Variants in PPM1L observed in about 807,000 individuals in gnomAD.
PPM1L encodes protein phosphatase, Mg2+/Mn2+ dependent 1L.
A neutral mutation model predicts 31.4 loss-of-function variants in PPM1L; 13 were observed. The ratio of observed to expected loss-of-function variants is 0.41; its 90% CI spans 0.27 to 0.66. The LOEUF (loss-of-function observed/expected upper bound fraction) is 0.66, where lower values mean the gene tolerates loss of function less well. PPM1L is among the 30% of genes least tolerant of loss of function. PPM1L has a pLI of 0.29. For missense variants in PPM1L, 326 were observed against 453.7 expected, an observed-to-expected ratio of 0.72 and a Z score of 2.56; for synonymous variants, 184 against 175.4, an observed-to-expected ratio of 1.05 and a Z score of -0.39.
intron 2 of PPM1L, among the ~76,000 whole-genome samples, chr3:161,003,164 T>C (rs2108054107): frequency 6.6e-6 from 1 of 152,178 alleles, no homozygotes; most frequent in South Asian, 2.1e-4. Context: ...GGTGGCGTTA[T>C]TTCTGAGGGC....
intron 1 of PPM1L, among the ~76,000 whole-genome samples, chr3:160,863,088 C>T (rs1486078081): frequency 6.6e-6 from 1 of 152,182 alleles, no homozygotes; most frequent in African/African-American, 2.4e-5. Flanking sequence ...TTTCCACTGA[C>T]ACATTTTCAC....
chr3:160,906,754 C>T lies in PPM1L; in HGVS notation c.400-54982C>T, dbSNP rs550581163. On this transcript the variant is annotated intron_variant, in intron 1 of 3. Coordinates refer to ENST00000498165, the MANE Select transcript of PPM1L (RefSeq NM_139245.4). ...GATGGGGTGGATTCACTTTCAAGCT[C>T]ACTCATGTGGTTGTTGGCAGAAAAA... is the stretch of plus-strand genomic sequence containing the variant. Among the ~76,000 whole-genome samples, 4 of 152,306 alleles carry T rather than the reference C, an allele frequency of 2.6e-5. No individual in the cohort carries two copies. The South Asian group carries it at 8.3e-4, about 32-fold the overall frequency.
At chr3:160,891,331 A>G (rs947055001) in intron 1 of PPM1L, among the ~76,000 whole-genome samples, 1 of 152,190 alleles carries the variant, frequency 6.6e-6, no homozygotes, top group Non-Finnish European at 1.5e-5. Context: ...AAAGAATATG[A>G]ACAGAATATT....
Position 160,768,878 on chromosome 3 carries a change from G to T in PPM1L, c.399+12171G>T, listed in dbSNP as rs78654515. ...TCAATAACTTCAAGGCTCTGGTTCA[G>T]TGTCTCAGAAATTCTCTTCAGTTTT... On this transcript the variant is annotated intron_variant, in intron 1 of 3. Coordinates refer to ENST00000498165, the MANE Select transcript of PPM1L (RefSeq NM_139245.4). Among the ~76,000 whole-genome samples the T allele has an allele frequency of 5.2e-3, 796 of 152,334 alleles. 8 individuals carry two copies. Among genetic ancestry groups the T allele is most frequent in the African/African-American group, 0.018 (758 of 41,568 alleles).
chr3:160,885,511 A>C lies in PPM1L; in HGVS notation c.400-76225A>C, dbSNP rs114002979. Among the ~76,000 whole-genome samples, 616 of 152,322 alleles carry C rather than the reference A, an allele frequency of 4.0e-3. 4 individuals carry two copies. Among genetic ancestry groups the C allele is most frequent in the African/African-American group, 0.014 (591 of 41,574 alleles). Reference sequence around the variant, plus strand: ...ATAAACATGTGAATCCTTCACTGGCAACCAAGATATCCAGGTTCTCTCATC... The same window carrying C: ...ATAAACATGTGAATCCTTCACTGGCCACCAAGATATCCAGGTTCTCTCATC... On this transcript the variant is annotated intron_variant, in intron 1 of 3. Coordinates refer to ENST00000498165, the MANE Select transcript of PPM1L (RefSeq NM_139245.4).
At chr3:160,929,278 A>G (rs1205459405) in intron 1 of PPM1L, among the ~76,000 whole-genome samples, 2 of 152,196 alleles carry the variant, frequency 1.3e-5, no homozygotes, top group Non-Finnish European at 2.9e-5. Flanking sequence ...AATATACTTT[A>G]TTACAATGAC....
chr3:160,867,214 G>T (rs1014640349), intron 1 of PPM1L, among the ~76,000 whole-genome samples: 1 of 151,474 alleles, frequency 6.6e-6, no homozygotes, highest in Non-Finnish European at 1.5e-5. Flanking sequence ...TTATTTGATT[G>T]TTTTTTGAAT....
chr3:161,066,233 G>C (rs1201089366), intron 3 of PPM1L, among the ~76,000 whole-genome samples: 1 of 152,192 alleles, frequency 6.6e-6, no homozygotes, highest in African/African-American at 2.4e-5. Flanking sequence ...AGCAAGGTTG[G>C]GGGTAGAGGG....
intron 1 of PPM1L, among the ~76,000 whole-genome samples, chr3:160,793,616 A>G (rs901480945): frequency 6.6e-6 from 1 of 152,196 alleles, no homozygotes; most frequent in Non-Finnish European, 1.5e-5. Flanking sequence ...GTTGATTTCC[A>G]TGAAATATAA....
chr3:161,005,576 T>G (rs9832109), intron 2 of PPM1L, among the ~76,000 whole-genome samples: 1 of 151,990 alleles, frequency 6.6e-6, no homozygotes, highest in African/African-American at 2.4e-5. Context: ...TGCGTTTAAA[T>G]TCTGGCTATC....
intron 2 of PPM1L, among the ~76,000 whole-genome samples, chr3:161,019,972 A>G (rs1268020499): frequency 1.3e-5 from 2 of 152,012 alleles, no homozygotes; most frequent in African/African-American, 4.8e-5. Flanking sequence ...TAAAAATACA[A>G]AAAATTACCT....
chr3:160,981,233 T>A (rs1716786554), intron 2 of PPM1L, among the ~76,000 whole-genome samples: 1 of 152,236 alleles, frequency 6.6e-6, no homozygotes, highest in African/African-American at 2.4e-5. Context: ...TATTAGCTCA[T>A]ATAATTTCTG....
intron 2 of PPM1L, among the ~76,000 whole-genome samples, chr3:161,021,903 A>G (rs967259694): frequency 5.3e-5 from 8 of 152,166 alleles, no homozygotes; most frequent in African/African-American, 1.9e-4. Context: ...TTGGATCTAA[A>G]GTATTTTCTA....
chr3:161,054,315 T>C (rs1441655007), intron 2 of PPM1L, among the ~76,000 whole-genome samples: 1 of 152,044 alleles, frequency 6.6e-6, no homozygotes, highest in South Asian at 2.1e-4. Context: ...CTCCATGAAA[T>C]AGAAACCCCC....
At chr3:160,940,450 T>A (rs1715124869) in intron 1 of PPM1L, among the ~76,000 whole-genome samples, 1 of 151,774 alleles carries the variant, frequency 6.6e-6, no homozygotes, top group East Asian at 1.9e-4. Flanking sequence ...GAGGAAAAAG[T>A]GGTTTTGTGG....
At chr3:161,036,390 T>C (rs950107273) in intron 2 of PPM1L, among the ~76,000 whole-genome samples, 14 of 152,322 alleles carry the variant, frequency 9.2e-5, no homozygotes, top group Middle Eastern at 3.4e-3. Flanking sequence ...CTCTGTGACC[T>C]TGGACAAATT....
chr3:160,840,469 G>A (rs183948408), intron 1 of PPM1L, among the ~76,000 whole-genome samples: 293 of 152,234 alleles, frequency 1.9e-3, no homozygotes, highest in African/African-American at 6.7e-3. Context: ...ATTTATTAGC[G>A]GGATTGGCTC....
Position 161,051,328 on chromosome 3 carries a change from TA to T in PPM1L, c.575-14074del, listed in dbSNP as rs540516003. Among the ~76,000 whole-genome samples, 31 of 151,794 alleles carry T rather than the reference TA, an allele frequency of 2.0e-4. 1 individual carries two copies. In the South Asian group the frequency reaches 6.5e-3, roughly 32 times the overall value. ...AAAACACCGAGTACTTTGTACATAG[TA>T]GGCACTGAATGAGGGAACAAGGAAC... On this transcript the variant is annotated intron_variant, in intron 2 of 3. Transcript: ENST00000498165.
chr3:161,017,457 T>G (rs1453279884), intron 2 of PPM1L, among the ~76,000 whole-genome samples: 1 of 152,186 alleles, frequency 6.6e-6, no homozygotes, highest in East Asian at 1.9e-4. Flanking sequence ...TCCAAAAACC[T>G]TCAAGTTTCG....
Sources: allele counts gnomAD v4.1 joint callset (sites outside exome capture counted in the v4.1 genomes callset), GRCh38; gene constraint gnomAD v4.1.1; transcripts MANE v1.5; gene names NCBI Gene and HGNC (gene_info 2026-07-23, HGNC 2026-07-21).